The following ALK variants were observed in gnomAD, a reference collection of about 807,000 sequenced individuals.
ALK encodes the protein ALK receptor tyrosine kinase.
A neutral mutation model predicts 163.1 loss-of-function variants in ALK; 74 were observed. The observed-to-expected ratio is 0.45, with a 90% CI of 0.38 to 0.55. ALK has a LOEUF of 0.55. Ranked by LOEUF, ALK falls within the 20% of genes least tolerant of loss-of-function variation. The probability of loss-of-function intolerance (pLI) is 0.00; values close to 1 mark genes in which losing one functional copy is unlikely to be tolerated. For missense variants in ALK, 2,063 were observed against 2,105.3 expected (o/e 0.98, Z 0.39); for synonymous variants, 960 against 843.2 (o/e 1.14, Z -2.40).
intron 4 of ALK, among the ~76,000 whole-genome samples, chr2:29,485,736 T>C (rs1671761842): frequency 6.6e-6 from 1 of 152,214 alleles, no homozygotes; most frequent in African/African-American, 2.4e-5. Context: ...CTGTTTATGT[T>C]GCCTCTGTTT....
intron 12 of ALK, among the ~76,000 whole-genome samples, chr2:29,245,599 C>T (rs1664647443): frequency 7.1e-6 from 1 of 140,182 alleles, no homozygotes; most frequent in Admixed American, 7.1e-5. Flanking sequence ...CTCCATGGCT[C>T]AGTGCCCTGC....
At chr2:29,846,463 C>A (rs760532403) in intron 1 of ALK, among the ~76,000 whole-genome samples, 2 of 152,306 alleles carry the variant, frequency 1.3e-5, no homozygotes, top group South Asian at 2.1e-4. Flanking sequence ...GAGAACAAGA[C>A]CTTGTCTAGG....
intron 4 of ALK, among the ~76,000 whole-genome samples, chr2:29,493,215 G>A (rs926633649): frequency 1.3e-5 from 2 of 152,164 alleles, no homozygotes; most frequent in African/African-American, 2.4e-5. Flanking sequence ...CCAACACTGG[G>A]ATGAAGACTG....
At chr2:29,698,775 G>A (rs1678647114) in intron 2 of ALK, among the ~76,000 whole-genome samples, 1 of 152,194 alleles carries the variant, frequency 6.6e-6, no homozygotes, top group African/African-American at 2.4e-5. Flanking sequence ...CGATTAAAAT[G>A]CGTTCCTTCT....
At chr2:29,563,217 C>G (rs1213474885) in intron 3 of ALK, among the ~76,000 whole-genome samples, 2 of 152,110 alleles carry the variant, frequency 1.3e-5, no homozygotes, top group Non-Finnish European at 2.9e-5. Context: ...TGCTAGATAC[C>G]TGGGTAGGGT....
rs116601360 is a variant in ALK, at chr2:29,333,802, G to T, written c.1283-5321C>A. On this transcript the variant is annotated intron_variant, in intron 5 of 28. Coordinates refer to ENST00000389048, the MANE Select transcript of ALK (RefSeq NM_004304.5). ...TGGCTGCCTTTTTTTTGGAGAGATGGGGTTTCACCATGTTGCTCAGGCTGG... is the reference window on the plus strand; with the variant it reads ...TGGCTGCCTTTTTTTTGGAGAGATGTGGTTTCACCATGTTGCTCAGGCTGG... Among the ~76,000 whole-genome samples, 617 of 152,018 alleles carry T rather than the reference G, an allele frequency of 4.1e-3. 3 individuals carry two copies. The highest frequency in any genetic ancestry group is 0.014 in the African/African-American group (580 of 41,446).
At chr2:29,583,177 C>A (rs1368191756) in intron 3 of ALK, among the ~76,000 whole-genome samples, 2 of 151,012 alleles carry the variant, frequency 1.3e-5, no homozygotes, top group African/African-American at 4.9e-5. Context: ...CCATGCCCAG[C>A]CCAAACCCAG....
intron 5 of ALK, among the ~76,000 whole-genome samples, chr2:29,333,240 C>T (rs2148263372): frequency 6.6e-6 from 1 of 152,190 alleles, no homozygotes; most frequent in South Asian, 2.1e-4. Context: ...CTCAGCCTCC[C>T]AGGCAGCTGG....
chr2:29,734,275 C>G (rs186860341), intron 1 of ALK, among the ~76,000 whole-genome samples: 2 of 152,178 alleles, frequency 1.3e-5, no homozygotes, highest in Non-Finnish European at 2.9e-5. Context: ...CCATCTCCAT[C>G]CCCATCTGCT....
In ALK at chr2:29,275,449, A is replaced by G. The variant is rs1665516730; in HGVS notation, c.1865T>C (p.Ile622Thr). The G allele has an allele frequency of 3.7e-6, 6 of 1,614,158 alleles. No homozygotes were observed. In the East Asian group the frequency reaches 8.9e-5, roughly 24 times the overall value. The change falls in exon 10 of 29, where the codon ATC becomes ACC. Residue 622 changes from isoleucine (I) to threonine (T), a missense_variant. Ile to Thr is a moderately conservative substitution (Grantham distance 89, BLOSUM62 -1). Around this residue, in one of 5 missense-constraint regions of ALK, gnomAD observed 987 missense variants for 939.5 expected, o/e 1.05. Coordinates refer to ENST00000389048, the MANE Select transcript of ALK (RefSeq NM_004304.5). ...GATGGAGATATTGTCAAAAGCCACG[A>G]TGGCTCTGGATCCTTGTCCCCACCA... ...VAWWGQGSRAIVAFDNISISL... is the reference protein window; with the variant it reads ...VAWWGQGSRATVAFDNISISL...
chr2:29,596,805 A>T (rs1366357615), intron 3 of ALK, among the ~76,000 whole-genome samples: 1 of 152,200 alleles, frequency 6.6e-6, no homozygotes. Flanking sequence ...CCCTACTTCT[A>T]TAAGAAGAAC....
intron 4 of ALK, among the ~76,000 whole-genome samples, chr2:29,484,244 A>G (rs1671729605): frequency 6.6e-6 from 1 of 152,110 alleles, no homozygotes; most frequent in South Asian, 2.1e-4. Context: ...GATTGATAGA[A>G]TGACTTTGTC....
rs1183611493 is a variant in ALK at position 29,551,223 on chromosome 2, G to A, written c.953-19107C>T. On this transcript the variant is annotated intron_variant, in intron 3 of 28. Transcript: ENST00000389048. ...CAAAGTTTCCCAGCATTATTTACGG[G>A]AGTAAATATTTAGAAATGGTAAATG... is the stretch of plus-strand genomic sequence containing the variant. Among the ~76,000 whole-genome samples the A allele has an allele frequency of 6.6e-5, 10 of 152,196 alleles. 1 individual carries two copies. In the East Asian group the frequency reaches 1.9e-3, roughly 29 times the overall value.
At chr2:29,772,608 A>G (rs1486259807) in intron 1 of ALK, among the ~76,000 whole-genome samples, 1 of 152,216 alleles carries the variant, frequency 6.6e-6, no homozygotes, top group Non-Finnish European at 1.5e-5. Context: ...ACACAAGTGT[A>G]TTATTTACAG....
chr2:29,533,543 C>T (rs147991554), intron 3 of ALK, among the ~76,000 whole-genome samples: 1 of 152,294 alleles, frequency 6.6e-6, no homozygotes, highest in Non-Finnish European at 1.5e-5. Context: ...TAAAACATGG[C>T]CAAGGTAACT....
At chr2:29,420,454 G>A (rs942638576) in intron 4 of ALK, among the ~76,000 whole-genome samples, 2 of 151,392 alleles carry the variant, frequency 1.3e-5, no homozygotes, top group Admixed American at 1.3e-4. Flanking sequence ...TTTATTCAGC[G>A]GTTATTCACA....
chr2:29,749,424 C>G (rs757312272), intron 1 of ALK, among the ~76,000 whole-genome samples: 1 of 152,166 alleles, frequency 6.6e-6, no homozygotes, highest in South Asian at 2.1e-4. Flanking sequence ...TGCTAAGCAC[C>G]CACTCAGAGA....
chr2:29,482,392 A>T (rs1167747194), intron 4 of ALK, among the ~76,000 whole-genome samples: 1 of 152,168 alleles, frequency 6.6e-6, no homozygotes, highest in Non-Finnish European at 1.5e-5. Flanking sequence ...CATAAATCCC[A>T]CTTCTTCAAG....
intron 4 of ALK, among the ~76,000 whole-genome samples, chr2:29,385,326 AT>A (rs1163502569): frequency 6.6e-6 from 1 of 152,056 alleles, no homozygotes; most frequent in Non-Finnish European, 1.5e-5. Flanking sequence ...GTCACCTAGA[AT>A]ACCATTGTCC....
Sources: allele counts gnomAD v4.1 joint callset (sites outside exome capture counted in the v4.1 genomes callset), GRCh38; gene constraint gnomAD v4.1.1; regional missense constraint gnomAD v4.1.1; transcripts MANE v1.5; gene names NCBI Gene and HGNC (gene_info 2026-07-23, HGNC 2026-07-21).